HACD2: variants seen among roughly 807,000 people sequenced by gnomAD.
HACD2 encodes 3-hydroxyacyl-CoA dehydratase 2, also known as very-long-chain (3R)-3-hydroxyacyl-CoA dehydratase 2.
HACD2 carries 15 observed loss-of-function variants against 31.0 expected under a neutral mutation model. The ratio of observed to expected loss-of-function variants is 0.48; its 90% CI spans 0.32 to 0.75. The LOEUF (loss-of-function observed/expected upper bound fraction) is 0.75. Ranked by LOEUF, HACD2 falls within the 30% of genes least tolerant of loss-of-function variation. The pLI is 0.03. For synonymous variants in HACD2, 115 were observed against 122.2 expected (o/e 0.94, Z 0.39); for missense variants, 283 against 313.0 (o/e 0.90, Z 0.72).
intron 3 of HACD2, among the ~76,000 whole-genome samples, chr3:123,550,271 G>A (rs192761478): frequency 3.3e-5 from 5 of 152,294 alleles, no homozygotes; most frequent in East Asian, 1.9e-4. Context: ...AAGAACAGGC[G>A]CAGGATCAAG....
chr3:123,494,859 G>C lies in HACD2; in HGVS notation c.*29C>G. ...GCATTTTTTGATCATTGAAAAGTTT[G>C]TTTTGGTGGGAGGTGCAGAAAGCAG... On this transcript the variant is annotated 3_prime_UTR_variant, in exon 7 of 7. Transcript: ENST00000383657. The C allele has an allele frequency of 2.9e-5, 41 of 1,433,948 alleles. No homozygotes were observed. The highest frequency in any genetic ancestry group is 3.9e-5 in the Non-Finnish European group (41 of 1,043,312). The allele number at this position is 1,433,948 out of a possible 1,614,324, so 88.8% of individuals were successfully genotyped here. A position where few individuals can be genotyped will look rare whatever the true frequency, so the allele number is the denominator to read the frequency against.
chr3:123,549,739 C>A (rs1217823257), intron 3 of HACD2, among the ~76,000 whole-genome samples: 1 of 152,056 alleles, frequency 6.6e-6, no homozygotes, highest in East Asian at 1.9e-4. Context: ...CAGAGCAAGA[C>A]CCTGTCTCCA....
Position 123,579,450 on chromosome 3 carries a change from C to T in HACD2, c.273+2762G>A, listed in dbSNP as rs192915444. ...TAGCTGGGACTACAGGTACCCACCA[C>T]CCAGCCCAGCTAAAAAAAAAAAAAT... On this transcript the variant is annotated intron_variant, in intron 2 of 6. Transcript: ENST00000383657. Among the ~76,000 whole-genome samples, 5 of 151,868 alleles carry T rather than the reference C, an allele frequency of 3.3e-5. No individual in the cohort carries two copies. In the East Asian group the frequency reaches 7.8e-4, roughly 24 times the overall value.
intron 2 of HACD2, among the ~76,000 whole-genome samples, chr3:123,578,193 T>C (rs1394189093): frequency 6.6e-6 from 1 of 152,260 alleles, no homozygotes; most frequent in African/African-American, 2.4e-5. Context: ...CATATATCAG[T>C]AATTCATTTG....
intron 2 of HACD2, among the ~76,000 whole-genome samples, chr3:123,579,798 A>G (rs2056946461): frequency 6.6e-6 from 1 of 152,198 alleles, no homozygotes; most frequent in Non-Finnish European, 1.5e-5. Flanking sequence ...CTTATTTACT[A>G]GTGTCCGCTT....
intron 4 of HACD2, among the ~76,000 whole-genome samples, chr3:123,506,609 AT>A: frequency 6.6e-6 from 1 of 151,242 alleles, no homozygotes; most frequent in Non-Finnish European, 1.5e-5. Flanking sequence ...TTTTTTTCTT[AT>A]TTTTTGTAGA....
chr3:123,569,221 A>G (rs2056826928), intron 2 of HACD2, among the ~76,000 whole-genome samples: 2 of 152,240 alleles, frequency 1.3e-5, no homozygotes, highest in East Asian at 1.9e-4. Flanking sequence ...AACACTGTTA[A>G]GTAGATACTA....
intron 6 of HACD2, 21 bp from the exon 7 acceptor site, chr3:123,494,991 G>A: frequency 6.8e-7 from 1 of 1,471,762 alleles, no homozygotes; most frequent in Admixed American, 2.0e-5. Context: ...AAGAAAAATT[G>A]GTTAAGAGGA....
chr3:123,552,716 T>G (rs1484693234), intron 3 of HACD2, among the ~76,000 whole-genome samples: 2 of 151,914 alleles, frequency 1.3e-5, no homozygotes, highest in African/African-American at 4.8e-5. Context: ...GTTTAATCAA[T>G]TCAAAAACTG....
In HACD2 at chr3:123,555,350, A is replaced by AAC. The variant is rs370102601; in HGVS notation, c.292+12410_292+12411dup. Among the ~76,000 whole-genome samples the AAC allele has an allele frequency of 4.4e-3, 674 of 151,988 alleles. 4 individuals are homozygous for AAC. Among genetic ancestry groups the AAC allele is most frequent in the African/African-American group, 0.016 (649 of 41,492 alleles). On this transcript the variant is annotated intron_variant, in intron 3 of 6. Transcript: ENST00000383657. ...TATAGAAGATCTCAAAGAATCTACA[A>AAC]ACACACACACACACAAAATCCTAGA...
At chr3:123,548,548 T>A (rs767606397) in intron 3 of HACD2, among the ~76,000 whole-genome samples, 4 of 152,228 alleles carry the variant, frequency 2.6e-5, no homozygotes, top group Non-Finnish European at 2.9e-5. Context: ...AAGATATGTT[T>A]TAATGTATCA....
chr3:123,582,107 A>G (rs982488764), intron 2 of HACD2, 105 bp downstream of exon 2: 3 of 705,776 alleles, frequency 4.3e-6, no homozygotes, highest in African/African-American at 1.9e-5. Context: ...AAATTTCAAA[A>G]TTTAACATGA....
chr3:123,573,403 ATTACT>A (rs1274154686), intron 2 of HACD2, among the ~76,000 whole-genome samples: 3 of 152,088 alleles, frequency 2.0e-5, no homozygotes, highest in Non-Finnish European at 4.4e-5. Flanking sequence ...GTCTCCTTTA[ATTACT>A]TTACCTCTGG....
chr3:123,569,454 T>G (rs898219463), intron 2 of HACD2, among the ~76,000 whole-genome samples: 2 of 152,112 alleles, frequency 1.3e-5, no homozygotes, highest in African/African-American at 4.8e-5. Context: ...TCAACCTCCT[T>G]GGACTCAAGC....
intron 1 of HACD2, 112 bp downstream of exon 1, chr3:123,584,761 C>T (rs1366455500): frequency 3.5e-6 from 3 of 848,008 alleles, no homozygotes; most frequent in African/African-American, 3.6e-5. Context: ...CACCCCCCGC[C>T]GGGAATGCAC....
chr3:123,574,594 C>T (rs1214040447), intron 2 of HACD2, among the ~76,000 whole-genome samples: 1 of 151,806 alleles, frequency 6.6e-6, no homozygotes, highest in African/African-American at 2.4e-5. Flanking sequence ...TATTGTCTTC[C>T]TTTTTCAAAA....
intron 3 of HACD2, among the ~76,000 whole-genome samples, chr3:123,540,913 T>C (rs2056482604): frequency 6.6e-6 from 1 of 152,214 alleles, no homozygotes; most frequent in Non-Finnish European, 1.5e-5. Context: ...ATTTCTATTT[T>C]AAAAATTTAT....
In HACD2 at chr3:123,569,988, C is replaced by CAAAAAAAAAAAAAA. The variant is rs55844728; in HGVS notation, c.274-2222_274-2209dup. Reference sequence around the variant, plus strand: ...TGGGCGAGAGAGCAACACTCCATCTCAAAAAAAAAAAAAAAAAAAAAAAAA... The same window carrying CAAAAAAAAAAAAAA: ...TGGGCGAGAGAGCAACACTCCATCTCAAAAAAAAAAAAAAAAAAAAAAAAAAAAAAAAAAAAAAA... On this transcript the variant is annotated intron_variant, in intron 2 of 6. Coordinates refer to ENST00000383657, the MANE Select transcript of HACD2 (RefSeq NM_198402.5). Among the ~76,000 whole-genome samples the CAAAAAAAAAAAAAA allele has an allele frequency of 1.3e-4, 5 of 38,714 alleles. 1 individual carries two copies. Among genetic ancestry groups the CAAAAAAAAAAAAAA allele is most frequent in the Non-Finnish European group, 2.0e-4 (4 of 20,224 alleles). 25.4% of individuals were successfully genotyped at this position (38,714 alleles called of 152,430 possible). A position where few individuals can be genotyped will look rare whatever the true frequency, so the allele number is the denominator to read the frequency against.
chr3:123,503,900 T>C (rs539747636), intron 4 of HACD2, among the ~76,000 whole-genome samples: 3 of 152,234 alleles, frequency 2.0e-5, no homozygotes, highest in African/African-American at 4.8e-5. Flanking sequence ...TTAGCACTTA[T>C]GTTCTTCCTC....
Sources: gnomAD v4.1 joint callset for allele counts (sites outside exome capture counted in the v4.1 genomes callset) on GRCh38, gnomAD v4.1.1 for gene constraint, MANE v1.5 for transcripts, NCBI Gene and HGNC (gene_info 2026-07-23, HGNC 2026-07-21) for gene names.